LHFPL3: variants seen among roughly 807,000 people sequenced by gnomAD.
LHFPL3 encodes the protein LHFPL tetraspan subfamily member 3 protein.
A neutral mutation model predicts 19.3 loss-of-function variants in LHFPL3; 5 were observed. The ratio of observed to expected loss-of-function variants is 0.26; its 90% confidence interval spans 0.14 to 0.54. The LOEUF (loss-of-function observed/expected upper bound fraction) is 0.54. Ranked by LOEUF, LHFPL3 falls within the 20% of genes least tolerant of loss-of-function variation. The probability of loss-of-function intolerance (pLI) is 0.94; values close to 1 mark genes in which losing one functional copy is unlikely to be tolerated. For synonymous variants in LHFPL3, 133 were observed against 126.2 expected, an observed-to-expected ratio of 1.05 and a Z score of -0.36; for missense variants, 249 against 307.4, an observed-to-expected ratio of 0.81 and a Z score of 1.42.
chr7:104,425,540 T>C (rs1373712204), intron 1 of LHFPL3, among the ~76,000 whole-genome samples: 1 of 152,162 alleles, frequency 6.6e-6, no homozygotes, highest in East Asian at 1.9e-4. Context: ...TGATTTTATA[T>C]ATATGTATAT....
At chr7:104,518,191 G>C (rs1019688099) in intron 1 of LHFPL3, among the ~76,000 whole-genome samples, 7 of 151,992 alleles carry the variant, frequency 4.6e-5, no homozygotes, top group African/African-American at 1.7e-4. Context: ...TGTTTGTTTT[G>C]ATCATTTGTA....
intron 1 of LHFPL3, among the ~76,000 whole-genome samples, chr7:104,432,875 A>G (rs1342704052): frequency 6.6e-6 from 1 of 152,074 alleles, no homozygotes; most frequent in African/African-American, 2.4e-5. Flanking sequence ...TTTAGCCTTA[A>G]TCTGGGCCAT....
chr7:104,522,068 C>G (rs1003824893), intron 1 of LHFPL3, among the ~76,000 whole-genome samples: 4 of 151,992 alleles, frequency 2.6e-5, no homozygotes, highest in Non-Finnish European at 5.9e-5. Context: ...AATCATGCTG[C>G]TATAAAGACA....
intron 1 of LHFPL3, among the ~76,000 whole-genome samples, chr7:104,628,956 T>A (rs1203689498): frequency 1.3e-5 from 2 of 152,202 alleles, no homozygotes; most frequent in Non-Finnish European, 1.5e-5. Flanking sequence ...ACTGGTCCTA[T>A]CAAACATTAA....
chr7:104,602,020 C>CTTTTTTTTTTTTTTTTTTTTTTT (rs57501560), intron 1 of LHFPL3, among the ~76,000 whole-genome samples: 13 of 91,456 alleles, frequency 1.4e-4, no homozygotes, highest in East Asian at 3.6e-4. Context: ...TTTTTCTTTT[C>CTTTTTTTTTTTTTTTTTTTTTTT]TTTTTTTTTT....
chr7:104,697,016 T>C (rs1429566973), intron 1 of LHFPL3, among the ~76,000 whole-genome samples: 1 of 152,180 alleles, frequency 6.6e-6, no homozygotes, highest in Non-Finnish European at 1.5e-5. Context: ...TGGTTTTTAA[T>C]TCACAGACAA....
chr7:104,754,683 C>T (rs1405110674), intron 2 of LHFPL3, among the ~76,000 whole-genome samples: 1 of 152,114 alleles, frequency 6.6e-6, no homozygotes, highest in Non-Finnish European at 1.5e-5. Context: ...ACCCTGGCCT[C>T]ATGATGCAGA....
At chr7:104,486,759 T>A (rs1793244813) in intron 1 of LHFPL3, among the ~76,000 whole-genome samples, 1 of 152,196 alleles carries the variant, frequency 6.6e-6, no homozygotes, top group Admixed American at 6.5e-5. Context: ...TATTTATGTC[T>A]GCTTTTATTT....
chr7:104,602,580 G>T (rs952349571), intron 1 of LHFPL3, among the ~76,000 whole-genome samples: 2 of 152,186 alleles, frequency 1.3e-5, no homozygotes, highest in African/African-American at 2.4e-5. Context: ...AGGCTAAGTG[G>T]TAAAGTTCCC....
At chr7:104,843,395 G>A (rs1474238510) in intron 2 of LHFPL3, among the ~76,000 whole-genome samples, 1 of 152,214 alleles carries the variant, frequency 6.6e-6, no homozygotes, top group Admixed American at 6.5e-5. Context: ...CTGTGTTTCA[G>A]GGAGCCAAGG....
At chr7:104,426,338 C>A (rs1791845580) in intron 1 of LHFPL3, among the ~76,000 whole-genome samples, 1 of 152,126 alleles carries the variant, frequency 6.6e-6, no homozygotes, top group Non-Finnish European at 1.5e-5. Flanking sequence ...CTCACTGCAG[C>A]CTCTGCTTCC....
chr7:104,710,974 G>C lies in LHFPL3; in HGVS notation c.446-25701G>C, dbSNP rs144123280. On this transcript the variant is annotated intron_variant, in intron 1 of 2. Transcript: ENST00000424859. ...GATAATACCATTAGTGTCCAAGGAT[G>C]AACACTGATACCATGAGAATAAGGG... 3.7e-4 allele frequency among the ~76,000 whole-genome samples: 57 copies of C among 152,276 alleles called. 1 individual carries two copies. In the East Asian group the frequency reaches 7.3e-3, roughly 20 times the overall value.
chr7:104,551,846 CA>C (rs779757964), intron 1 of LHFPL3, among the ~76,000 whole-genome samples: 5 of 152,126 alleles, frequency 3.3e-5, no homozygotes, highest in Non-Finnish European at 5.9e-5. Flanking sequence ...ATTTGAAGCA[CA>C]ATCTACAAGA....
chr7:104,698,654 G>C (rs1264395318), intron 1 of LHFPL3, among the ~76,000 whole-genome samples: 1 of 152,176 alleles, frequency 6.6e-6, no homozygotes, highest in Non-Finnish European at 1.5e-5. Flanking sequence ...GCAAAACTTG[G>C]AAGAAACCAA....
chr7:104,581,398 G>C (rs1426520522), intron 1 of LHFPL3, among the ~76,000 whole-genome samples: 1 of 151,918 alleles, frequency 6.6e-6, no homozygotes, highest in South Asian at 2.1e-4. Context: ...CATGTTCTGG[G>C]TACAAGTTTT....
At chr7:104,690,089 A>G (rs74581339) in intron 1 of LHFPL3, among the ~76,000 whole-genome samples, 3,405 of 152,372 alleles carry the variant, frequency 0.022, 108 homozygotes, top group East Asian at 0.091. Flanking sequence ...GACTTAAAAG[A>G]TGCAGGGGTG....
intron 1 of LHFPL3, among the ~76,000 whole-genome samples, chr7:104,551,744 T>C (rs1035626271): frequency 6.6e-6 from 1 of 152,154 alleles, no homozygotes. Flanking sequence ...TATTGGTGAT[T>C]CTTAGAAATA....
intron 2 of LHFPL3, among the ~76,000 whole-genome samples, chr7:104,873,726 T>G (rs985262686): frequency 1.3e-5 from 2 of 152,252 alleles, no homozygotes; most frequent in African/African-American, 4.8e-5. Context: ...ACACACATTT[T>G]CTTTCCGTCT....
chr7:104,332,010 T>A (rs1801575721), intron 1 of LHFPL3, among the ~76,000 whole-genome samples: 1 of 151,924 alleles, frequency 6.6e-6, no homozygotes, highest in South Asian at 2.1e-4. Flanking sequence ...TGTTAAGTAG[T>A]CTTCTCCTAC....
Sources: allele counts gnomAD v4.1 joint callset (sites outside exome capture counted in the v4.1 genomes callset), GRCh38; gene constraint gnomAD v4.1.1; transcripts MANE v1.5; gene names NCBI Gene and HGNC (gene_info 2026-07-23, HGNC 2026-07-21).